CACNA1C: variants seen among roughly 807,000 people sequenced by gnomAD.
CACNA1C encodes calcium voltage-gated channel subunit alpha1 C.
CACNA1C carries 30 observed loss-of-function variants against 229.0 expected under a neutral mutation model. That is an observed-to-expected ratio of 0.13 (90% confidence interval 0.10 to 0.18). The LOEUF is 0.18. Ranked by LOEUF, CACNA1C falls within the 10% of genes least tolerant of loss-of-function variation. The pLI is 1.00. For missense variants in CACNA1C, 1,658 were observed against 2,845.0 expected, an observed-to-expected ratio of 0.58 and a Z score of 9.49; for synonymous variants, 1,114 against 1,132.5, an observed-to-expected ratio of 0.98 and a Z score of 0.33.
At chr12:2,314,317 T>G (rs2095579498) in intron 3 of CACNA1C, among the ~76,000 whole-genome samples, 1 of 152,182 alleles carries the variant, frequency 6.6e-6, no homozygotes, top group Non-Finnish European at 1.5e-5. Context: ...CCTTCAAAAT[T>G]CCATGATCTG....
intron 1 of CACNA1C, chr12:1,993,157 C>T (rs780572995): frequency 1.1e-5 from 16 of 1,438,664 alleles, no homozygotes; most frequent in African/African-American, 9.8e-5. Flanking sequence ...TGACACCCCC[C>T]ATAGCCACTG....
intron 3 of CACNA1C, among the ~76,000 whole-genome samples, chr12:2,419,025 A>C (rs1398103195): frequency 1.3e-5 from 2 of 152,240 alleles, no homozygotes; most frequent in Non-Finnish European, 2.9e-5. Flanking sequence ...AGGAGGGAGC[A>C]AAAGGATGGG....
rs1015006386 is a variant in CACNA1C at position 2,639,641 on chromosome 12, G to C, written c.3912+5261G>C. On this transcript the variant is annotated intron_variant, in intron 30 of 46. Coordinates refer to ENST00000399655, the MANE Select transcript of CACNA1C (RefSeq NM_000719.7). This position sits in a 1 kb window ranked among gnomAD's most constrained non-coding sequence, Gnocchi z 4.2. ...GTCTCTTGCAACTCTAGCCTGCAGT[G>C]ATTCTGACTTGGGCATTTTCTGACA... Among the ~76,000 whole-genome samples the C allele has an allele frequency of 6.6e-6, 1 of 152,204 alleles. No individual in the cohort carries two copies.
rs529602534 is a variant in CACNA1C, at chr12:2,440,044, A to C, written c.478-8932A>C. On this transcript the variant is annotated intron_variant, in intron 3 of 46. Coordinates refer to ENST00000399655, the MANE Select transcript of CACNA1C (RefSeq NM_000719.7). ...TTCCCAGTCTAGGCTCACCCTGCGCATCTGTCCGCTGGCCCACTACAAAAG... is the reference window on the plus strand; with the variant it reads ...TTCCCAGTCTAGGCTCACCCTGCGCCTCTGTCCGCTGGCCCACTACAAAAG... 6.6e-5 allele frequency among the ~76,000 whole-genome samples: 10 copies of C among 152,308 alleles called. No individual in the cohort carries two copies. The East Asian group carries it at 1.7e-3, about 26-fold the overall frequency.
chr12:2,457,540 A>G, intron 4 of CACNA1C, 27 bp from the exon 5 acceptor site: 3 of 1,599,908 alleles, frequency 1.9e-6, no homozygotes, highest in South Asian at 2.2e-5. Flanking sequence ...CAGTCCTGAC[A>G]GTCCTTCTCT....
In CACNA1C at chr12:2,623,008, A is replaced by G. The variant is rs955238359; in HGVS notation, c.3828+10995A>G. Among the ~76,000 whole-genome samples, 5 of 152,208 alleles carry G rather than the reference A, an allele frequency of 3.3e-5. No individual in the cohort carries two copies. In the South Asian group the frequency reaches 1.0e-3, roughly 32 times the overall value. ...TTTTGAGGAAGACGTTTTCATCTCT[A>G]TGTAGTCTTTCGATGTACAGGGAAA... On this transcript the variant is annotated intron_variant, in intron 29 of 46. Transcript: ENST00000399655.
chr12:1,974,822 A>G (rs1447653010), intron 1 of CACNA1C, among the ~76,000 whole-genome samples: 2 of 152,206 alleles, frequency 1.3e-5, no homozygotes, highest in African/African-American at 4.8e-5. Flanking sequence ...ATGTACATAA[A>G]TAAGTCCAGT....
At chr12:2,324,431 T>TGGCACCTCCA in intron 3 of CACNA1C, among the ~76,000 whole-genome samples, 1 of 152,242 alleles carries the variant, frequency 6.6e-6, no homozygotes, top group Non-Finnish European at 1.5e-5. Flanking sequence ...CCTGAGTTTG[T>TGGCACCTCCA]GCCCAGATGA....
At chr12:2,117,918 G>A (rs1326152990) in intron 2 of CACNA1C, among the ~76,000 whole-genome samples, 2 of 152,212 alleles carry the variant, frequency 1.3e-5, no homozygotes, top group African/African-American at 2.4e-5. Context: ...ATAGCCTGGA[G>A]TACTAGCCAG....
rs186397668 is a variant in CACNA1C, at chr12:2,275,805, A to G, written c.477+155375A>G. Reference sequence around the variant, plus strand: ...GAGGGCTCAGTGCTTCCACGGGTGGATGTTCAGCAGCAGGCCCCCTCTGTT... The same window carrying G: ...GAGGGCTCAGTGCTTCCACGGGTGGGTGTTCAGCAGCAGGCCCCCTCTGTT... On this transcript the variant is annotated intron_variant, in intron 3 of 46. Coordinates refer to ENST00000399655, the MANE Select transcript of CACNA1C (RefSeq NM_000719.7). The surrounding 1 kb of genome is among the most constrained non-coding windows in gnomAD (Gnocchi z 4.1). Among the ~76,000 whole-genome samples, 1 of 152,208 alleles carries G rather than the reference A, an allele frequency of 6.6e-6. No homozygotes were observed. The highest frequency in any genetic ancestry group is 2.1e-4 in the South Asian group (1 of 4,816).
rs2153404317 is a variant in CACNA1C, at chr12:2,601,624, G to A, written c.2854-230G>A. Among the ~76,000 whole-genome samples the A allele has an allele frequency of 6.6e-6, 1 of 152,344 alleles. No individual in the cohort carries two copies. The highest frequency in any genetic ancestry group is 6.5e-5 in the Admixed American group (1 of 15,306). On this transcript the variant is annotated intron_variant, in intron 21 of 46. Transcript: ENST00000399655. This position sits in a 1 kb window ranked among gnomAD's most constrained non-coding sequence, Gnocchi z 5.9. ...CTAAAGAGCCTGGCTTGGCCTGGCA[G>A]GTGCAAGGAGCCACCCAGCAGTCCT... is the stretch of plus-strand genomic sequence containing the variant.
chr12:2,669,077 C>A, intron 38 of CACNA1C, 42 bp downstream of exon 38: 1 of 1,340,820 alleles, frequency 7.5e-7, no homozygotes, highest in Non-Finnish European at 1.1e-6. Context: ...CTCAGAAGGT[C>A]TAGCAGACAA....
At chr12:2,159,926 A>G (rs1227252271) in intron 3 of CACNA1C, among the ~76,000 whole-genome samples, 1 of 152,224 alleles carries the variant, frequency 6.6e-6, no homozygotes, top group East Asian at 1.9e-4. Context: ...ATGTAAGTAA[A>G]ACAAGAGTCC....
At chr12:2,236,800 G>T (rs989863016) in intron 3 of CACNA1C, among the ~76,000 whole-genome samples, 3 of 152,174 alleles carry the variant, frequency 2.0e-5, no homozygotes, top group African/African-American at 7.2e-5. Context: ...GTTCTCCTGA[G>T]AAATGGAGGG....
At chr12:2,166,113 C>G (rs1430018205) in intron 3 of CACNA1C, among the ~76,000 whole-genome samples, 2 of 152,224 alleles carry the variant, frequency 1.3e-5, no homozygotes, top group African/African-American at 4.8e-5. Flanking sequence ...GATTGATTAT[C>G]TCTGGGGAAA....
At chr12:1,986,368 G>A (rs755620635) in intron 1 of CACNA1C, among the ~76,000 whole-genome samples, 2 of 152,072 alleles carry the variant, frequency 1.3e-5, no homozygotes, top group Non-Finnish European at 2.9e-5. Context: ...CCAGTCTTCC[G>A]ACTACAAAGT....
At position 2,035,079 on chromosome 12, in the gene CACNA1C, G is replaced by C. The variant is rs552819418; in HGVS notation, c.139+63878G>C. Reference sequence around the variant, plus strand: ...TCCACCTCAGGTGCCGGCGCCCCCTGCTGGTGCGCGGAGATGCGCGGAGAC... The same window carrying C: ...TCCACCTCAGGTGCCGGCGCCCCCTCCTGGTGCGCGGAGATGCGCGGAGAC... On this transcript the variant is annotated intron_variant, in intron 1 of 46. Coordinates refer to the CACNA1C transcript ENST00000682462. 2.0e-5 allele frequency among the ~76,000 whole-genome samples: 3 copies of C among 152,338 alleles called. No homozygotes were observed. The East Asian group carries it at 5.8e-4, about 29-fold the overall frequency.
intron 3 of CACNA1C, among the ~76,000 whole-genome samples, chr12:2,290,852 G>A (rs1041147651): frequency 3.3e-5 from 5 of 152,190 alleles, no homozygotes; most frequent in Non-Finnish European, 7.4e-5. Flanking sequence ...CAGTATCCTT[G>A]GCAGTCATTT....
intron 9 of CACNA1C, among the ~76,000 whole-genome samples, chr12:2,531,024 A>G (rs1226150038): frequency 6.6e-6 from 1 of 152,174 alleles, no homozygotes; most frequent in Non-Finnish European, 1.5e-5. Flanking sequence ...TTTTGTATAC[A>G]TGCCCAGTGT....
Sources: gnomAD v4.1 joint callset for allele counts (sites outside exome capture counted in the v4.1 genomes callset) on GRCh38, gnomAD v4.1.1 for gene constraint, Gnocchi (gnomAD v3.1) non-coding constraint, MANE v1.5 for transcripts, NCBI Gene and HGNC (gene_info 2026-07-23, HGNC 2026-07-21) for gene names.